CUBN: variants seen among roughly 807,000 people sequenced by gnomAD.
The protein encoded by CUBN is cubilin.
Under a neutral mutation model 405.3 loss-of-function variants are expected in CUBN, and 282 were observed. The observed-to-expected ratio is 0.70, with a 90% CI of 0.63 to 0.77. The LOEUF (loss-of-function observed/expected upper bound fraction) is 0.77. CUBN is among the 30% of genes least tolerant of loss of function. CUBN has a pLI of 0.00. For synonymous variants in CUBN, 1,684 were observed against 1,617.0 expected (o/e 1.04, Z -0.99); for missense variants, 4,514 against 4,475.2 (o/e 1.01, Z -0.25).
chr10:16,837,621 G>T (rs1483658273), intron 62 of CUBN, among the ~76,000 whole-genome samples: 1 of 151,806 alleles, frequency 6.6e-6, no homozygotes, highest in Non-Finnish European at 1.5e-5. Context: ...CTGCATCTCT[G>T]TTCATCTCCA....
At chr10:16,834,979 A>G in intron 64 of CUBN, 35 bp downstream of exon 64, 1 of 1,589,778 alleles carries the variant, frequency 6.3e-7, no homozygotes. Flanking sequence ...CATCTTTTAA[A>G]TAATTCATTC....
chr10:17,076,966 T>C (rs533283331), intron 17 of CUBN, among the ~76,000 whole-genome samples: 1 of 152,234 alleles, frequency 6.6e-6, no homozygotes, highest in Non-Finnish European at 1.5e-5. Context: ...TGTTTGTTAT[T>C]GCAGCATAAC....
chr10:16,824,165 G>A lies in CUBN; in HGVS notation c.*810C>T, dbSNP rs1838704467. 6.6e-6 allele frequency: 1 copy of A among 152,094 alleles called. No homozygotes were observed. The highest frequency in any genetic ancestry group is 2.1e-4 in the South Asian group (1 of 4,820). 9.4% of individuals were successfully genotyped at this position (152,094 alleles called of 1,614,324 possible). ...CCTACTGGGCTCAAGTGATCCTCCT[G>A]CTTCAACCTCCTGTGTAGCTGGAAC... On this transcript the variant is annotated 3_prime_UTR_variant, in exon 67 of 67. Coordinates refer to ENST00000377833, the MANE Select transcript of CUBN (RefSeq NM_001081.4).
intron 66 of CUBN, among the ~76,000 whole-genome samples, chr10:16,825,404 A>T (rs1838746009): frequency 2.0e-5 from 3 of 152,120 alleles, no homozygotes; most frequent in Admixed American, 2.0e-4. Flanking sequence ...AAACCACTGA[A>T]TTGTATACTT....
intron 27 of CUBN, among the ~76,000 whole-genome samples, chr10:17,035,197 G>A (rs74228759): frequency 0.037 from 5,561 of 152,128 alleles, 213 homozygotes; most frequent in South Asian, 0.21. Context: ...TTTGGGGGGT[G>A]CAAAAAAGGA....
In CUBN at chr10:16,963,196, C is replaced by CT. The variant is rs200023246; in HGVS notation, c.4696-8649dup. 1.0e-3 allele frequency among the ~76,000 whole-genome samples: 87 copies of CT among 84,032 alleles called. 6 individuals are homozygous for CT. Among genetic ancestry groups the CT allele is most frequent in the East Asian group, 6.7e-3 (18 of 2,670 alleles). 55.1% of individuals were successfully genotyped at this position (84,032 alleles called of 152,430 possible). A position where few individuals can be genotyped will look rare whatever the true frequency, so the allele number is the denominator to read the frequency against. On this transcript the variant is annotated intron_variant, in intron 31 of 66. Coordinates refer to ENST00000377833, the MANE Select transcript of CUBN (RefSeq NM_001081.4). ...TTTTTTCTTTTCTTTTCTTTTTTTT[C>CT]TTTTTTTTTTTTTTTTGAGACAGAG...
intron 28 of CUBN, among the ~76,000 whole-genome samples, chr10:17,019,156 C>A (rs1383893819): frequency 6.6e-6 from 1 of 152,160 alleles, no homozygotes; most frequent in Non-Finnish European, 1.5e-5. Flanking sequence ...TGCTCTGGGG[C>A]TCTCCACTTG....
chr10:17,018,478 A>G (rs1338036940), intron 28 of CUBN, among the ~76,000 whole-genome samples: 7 of 152,226 alleles, frequency 4.6e-5, no homozygotes, highest in Middle Eastern at 3.4e-3. Context: ...GGTCTCGCTG[A>G]CTTCAGGAAT....
At chr10:16,997,660 G>A (rs544692230) in intron 28 of CUBN, among the ~76,000 whole-genome samples, 3 of 152,164 alleles carry the variant, frequency 2.0e-5, no homozygotes, top group Admixed American at 1.3e-4. Context: ...CAAGGATTTT[G>A]AACAGAAACT....
intron 31 of CUBN, chr10:16,965,524 C>A (rs1687710): frequency 0.3 from 44,672 of 149,212 alleles, 7,404 homozygotes; most frequent in Middle Eastern, 0.43. Context: ...CCCCTCATGA[C>A]TGAGGGGGAA....
chr10:17,003,670 C>G (rs1020934627), intron 28 of CUBN, among the ~76,000 whole-genome samples: 2 of 152,092 alleles, frequency 1.3e-5, no homozygotes, highest in Non-Finnish European at 2.9e-5. Flanking sequence ...AGAGAGAATG[C>G]GGCAATTGAT....
chr10:16,901,234 CCTT>C, intron 52 of CUBN, 101 bp downstream of exon 52: 2 of 1,484,682 alleles, frequency 1.3e-6, no homozygotes. Context: ...AGAATCAAAG[CCTT>C]CTCTAATCAC....
intron 28 of CUBN, among the ~76,000 whole-genome samples, chr10:16,992,121 C>G (rs183377259): frequency 1.3e-5 from 2 of 152,224 alleles, no homozygotes; most frequent in Non-Finnish European, 2.9e-5. Flanking sequence ...AACCATCATT[C>G]TGAGCAAACT....
At chr10:16,852,449 TTCCC>T (rs1349475402) in intron 59 of CUBN, among the ~76,000 whole-genome samples, 5 of 122,916 alleles carry the variant, frequency 4.1e-5, no homozygotes, top group Non-Finnish European at 7.1e-5. Context: ...CCCTCTATCT[TTCCC>T]TCCCTCCCTC....
chr10:16,837,644 C>T (rs1412465996), intron 62 of CUBN, among the ~76,000 whole-genome samples: 1 of 152,062 alleles, frequency 6.6e-6, no homozygotes, highest in Admixed American at 6.5e-5. Flanking sequence ...GCCAGCTAAC[C>T]ACTGAACATC....
In CUBN at chr10:17,104,366, G is replaced by C. The variant is rs902112411; in HGVS notation, c.1417+53C>G. On this transcript the variant is annotated intron_variant, in intron 12 of 66. Coordinates refer to ENST00000377833, the MANE Select transcript of CUBN (RefSeq NM_001081.4). The stretch of plus-strand genomic sequence containing the variant: ...GGAATCTGTTGAGGGACTCACTAAA[G>C]GATGCTGCTGCTATGCTGTGAGCAT... The C allele has an allele frequency of 2.6e-6, 4 of 1,559,614 alleles. No homozygotes were observed. The African/African-American group carries it at 5.4e-5, about 21-fold the overall frequency.
rs1486600250 is a variant in CUBN, at chr10:16,940,228, C to G, written c.5352G>C (p.Gln1784His). 2 of 1,613,950 alleles carry G rather than the reference C, an allele frequency of 1.2e-6. No individual in the cohort carries two copies. The highest frequency in any genetic ancestry group is 2.2e-5 in the East Asian group (1 of 44,884). Reference sequence around the variant, plus strand: ...TGCTGCAGTCCTGAGAGTCTTCCAACTGGAAAGATCTGATTTGGGGAAAAA... The same window carrying G: ...TGCTGCAGTCCTGAGAGTCTTCCAAGTGGAAAGATCTGATTTGGGGAAAAA... ...NRLQLSFISF[Q>H]LEDSQDCSRD... The change falls in exon 37 of 67, where the codon CAG becomes CAC. Residue 1784 changes from glutamine to histidine, a missense_variant. Physicochemically the swap from Gln to His is conservative, Grantham distance 24. Coordinates refer to ENST00000377833, the MANE Select transcript of CUBN (RefSeq NM_001081.4).
At chr10:16,844,781 A>G (rs181819705) in intron 60 of CUBN, among the ~76,000 whole-genome samples, 2 of 152,296 alleles carry the variant, frequency 1.3e-5, no homozygotes, top group Non-Finnish European at 2.9e-5. Context: ...AACCTTCACT[A>G]CAGACTTTTG....
intron 27 of CUBN, among the ~76,000 whole-genome samples, chr10:17,033,225 T>A (rs2131806341): frequency 6.6e-6 from 1 of 152,282 alleles, no homozygotes; most frequent in East Asian, 1.9e-4. Flanking sequence ...CTGCTCTCCT[T>A]CCAGTCCCTC....
Sources: allele counts gnomAD v4.1 joint callset (sites outside exome capture counted in the v4.1 genomes callset), GRCh38; gene constraint gnomAD v4.1.1; transcripts MANE v1.5; gene names NCBI Gene and HGNC (gene_info 2026-07-23, HGNC 2026-07-21).